The following PPARGC1A variants were observed in gnomAD, a reference collection of about 807,000 sequenced individuals.
PPARGC1A encodes the protein peroxisome proliferator-activated receptor gamma coactivator 1-alpha.
Under a neutral mutation model 88.7 loss-of-function variants are expected in PPARGC1A, and 25 were observed. That is an observed-to-expected ratio of 0.28 (90% CI 0.21 to 0.39). The LOEUF (loss-of-function observed/expected upper bound fraction) is 0.39. Ranked by LOEUF, PPARGC1A falls within the 10% of genes least tolerant of loss-of-function variation. PPARGC1A has a pLI of 1.00. For synonymous variants in PPARGC1A, 363 were observed against 355.6 expected (o/e 1.02, Z -0.24); for missense variants, 880 against 968.7 (o/e 0.91, Z 1.22).
At chr4:23,828,370 A>T in intron 5 of PPARGC1A, 30 bp downstream of exon 5, 1 of 1,588,812 alleles carries the variant, frequency 6.3e-7, no homozygotes, top group Non-Finnish European at 8.6e-7. Context: ...CAGTGCCCTC[A>T]CCAACAGCTC....
At chr4:24,398,356 T>G in the PPARGC1A span, among the ~76,000 whole-genome samples, 3 of 152,220 alleles carry the variant, frequency 2.0e-5, no homozygotes, top group Non-Finnish European at 4.4e-5. Context: ...TTATGGTGGC[T>G]CCATTATTCT....
At chr4:24,043,733 A>G in the PPARGC1A span, among the ~76,000 whole-genome samples, 1 of 152,224 alleles carries the variant, frequency 6.6e-6, no homozygotes, top group Non-Finnish European at 1.5e-5. Context: ...AATGTTAGGT[A>G]ACTAAGAGGA....
At chr4:23,871,260 A>AC (rs1311479294) in intron 2 of PPARGC1A, among the ~76,000 whole-genome samples, 1 of 151,494 alleles carries the variant, frequency 6.6e-6, no homozygotes, top group African/African-American at 2.4e-5. Flanking sequence ...AGAAACTGAC[A>AC]CAAAGTCCTT....
the PPARGC1A span, among the ~76,000 whole-genome samples, chr4:24,295,642 A>G: frequency 6.6e-6 from 1 of 150,952 alleles, no homozygotes; most frequent in Admixed American, 6.6e-5. Context: ...ATGAATATAT[A>G]TATTCATAGT....
chr4:24,004,713 C>T, the PPARGC1A span, among the ~76,000 whole-genome samples: 1 of 152,272 alleles, frequency 6.6e-6, no homozygotes, highest in East Asian at 1.9e-4. Flanking sequence ...TGAAGAACAA[C>T]ACGAGCCACA....
chr4:23,948,904 G>A, the PPARGC1A span, among the ~76,000 whole-genome samples: 2 of 151,704 alleles, frequency 1.3e-5, no homozygotes, highest in South Asian at 4.2e-4. Flanking sequence ...CAAACTGAAT[G>A]GGCTTCTTCC....
chr4:23,961,631 C>A, the PPARGC1A span, among the ~76,000 whole-genome samples: 1 of 152,144 alleles, frequency 6.6e-6, no homozygotes, highest in African/African-American at 2.4e-5. Flanking sequence ...CCACATGGTG[C>A]CAGAACTGGC....
chr4:24,326,385 C>T, the PPARGC1A span, among the ~76,000 whole-genome samples: 1 of 152,240 alleles, frequency 6.6e-6, no homozygotes, highest in Admixed American at 6.5e-5. Context: ...CCTATCCACC[C>T]CATGGTGCCA....
chr4:24,462,759 G>A, the PPARGC1A span, among the ~76,000 whole-genome samples: 9 of 150,080 alleles, frequency 6.0e-5, no homozygotes, highest in Admixed American at 1.3e-4. Context: ...TGGACCGGGC[G>A]GTCTGCTCAG....
At chr4:23,988,392 A>C in the PPARGC1A span, among the ~76,000 whole-genome samples, 1 of 151,904 alleles carries the variant, frequency 6.6e-6, no homozygotes, top group Non-Finnish European at 1.5e-5. Context: ...AACTAATTAC[A>C]CTCCCATCAA....
the PPARGC1A span, among the ~76,000 whole-genome samples, chr4:24,245,773 T>C: frequency 1.3e-5 from 2 of 152,150 alleles, no homozygotes; most frequent in African/African-American, 4.8e-5. Flanking sequence ...AAGAAAAATA[T>C]CTCCTCTTTG....
chr4:24,086,616 TC>T, the PPARGC1A span, among the ~76,000 whole-genome samples: 1 of 152,240 alleles, frequency 6.6e-6, no homozygotes, highest in Non-Finnish European at 1.5e-5. Flanking sequence ...TGCCGTGCTC[TC>T]CCACCATGAC....
the PPARGC1A span, among the ~76,000 whole-genome samples, chr4:24,015,741 T>C: frequency 6.6e-6 from 1 of 152,276 alleles, no homozygotes; most frequent in East Asian, 1.9e-4. Context: ...AAGTTGCATC[T>C]TACAGACAGT....
the PPARGC1A span, among the ~76,000 whole-genome samples, chr4:24,455,588 T>C: frequency 3.9e-5 from 6 of 152,230 alleles, no homozygotes; most frequent in Admixed American, 2.6e-4. Flanking sequence ...AGTTCAAGTG[T>C]TGGAAACTTA....
chr4:23,834,578 C>G (rs2148568636), intron 2 of PPARGC1A, among the ~76,000 whole-genome samples: 1 of 152,164 alleles, frequency 6.6e-6, no homozygotes, highest in African/African-American at 2.4e-5. Context: ...CCACCTACTT[C>G]CATAAACTGA....
At chr4:23,957,899 T>G in the PPARGC1A span, among the ~76,000 whole-genome samples, 1 of 152,076 alleles carries the variant, frequency 6.6e-6, no homozygotes, top group Admixed American at 6.6e-5. Flanking sequence ...ACCTGGAATG[T>G]TGACAAAAAG....
the PPARGC1A span, among the ~76,000 whole-genome samples, chr4:24,189,283 G>A: frequency 9.9e-5 from 15 of 152,144 alleles, no homozygotes; most frequent in South Asian, 8.3e-4. Flanking sequence ...CTGAGAAATC[G>A]TTAGAATGGT....
the PPARGC1A span, among the ~76,000 whole-genome samples, chr4:24,290,591 T>C: frequency 6.6e-6 from 1 of 152,306 alleles, no homozygotes; most frequent in South Asian, 2.1e-4. Context: ...TGACTGACCA[T>C]CATGATTTCC....
At chr4:23,927,687 T>G in the PPARGC1A span, among the ~76,000 whole-genome samples, 1 of 152,000 alleles carries the variant, frequency 6.6e-6, no homozygotes, top group African/African-American at 2.4e-5. Flanking sequence ...TTCCTATTCT[T>G]ACCATCTACA....
Sources: allele counts gnomAD v4.1 joint callset (sites outside exome capture counted in the v4.1 genomes callset), GRCh38; gene constraint gnomAD v4.1.1; transcripts MANE v1.5; gene names NCBI Gene and HGNC (gene_info 2026-07-23, HGNC 2026-07-21).